ZNF248: variants seen among roughly 807,000 people sequenced by gnomAD.
ZNF248 encodes the protein zinc finger protein 248, also known as KRAB protein domain.
ZNF248 carries 20 observed loss-of-function variants against 44.3 expected under a neutral mutation model. The observed-to-expected ratio is 0.45, with a 90% CI of 0.32 to 0.66. The LOEUF (loss-of-function observed/expected upper bound fraction) is 0.66. ZNF248 is among the 30% of genes least tolerant of loss of function. The pLI, the probability that ZNF248 is intolerant of heterozygous loss-of-function variation, is 0.04. For missense variants in ZNF248, 654 were observed against 677.0 expected, an observed-to-expected ratio of 0.97 and a Z score of 0.38; for synonymous variants, 224 against 229.0, an observed-to-expected ratio of 0.98 and a Z score of 0.20.
At chr10:37,799,234 A>C (rs955571380) in intron 6 of ZNF248, among the ~76,000 whole-genome samples, 1 of 152,166 alleles carries the variant, frequency 6.6e-6, no homozygotes, top group South Asian at 2.1e-4. Flanking sequence ...ATATATAATA[A>C]AAAACCTAAA....
chr10:37,819,003 T>C, intron 6 of ZNF248: 1 of 914,252 alleles, frequency 1.1e-6, no homozygotes, highest in Non-Finnish European at 1.8e-6. Context: ...TTGCAATAAG[T>C]GCCAGCACCT....
At chr10:37,840,076 C>G (rs2058062834) in intron 3 of ZNF248, among the ~76,000 whole-genome samples, 1 of 152,018 alleles carries the variant, frequency 6.6e-6, no homozygotes, top group Non-Finnish European at 1.5e-5. Context: ...ATACAAATAA[C>G]CTATAGATCA....
At chr10:37,836,899 C>T (rs1367562718) in intron 5 of ZNF248, among the ~76,000 whole-genome samples, 2 of 151,836 alleles carry the variant, frequency 1.3e-5, no homozygotes, top group East Asian at 3.9e-4. Flanking sequence ...AGTGAGTGCT[C>T]ATCATATGTT....
chr10:37,798,083 T>C (rs1361072397), intron 6 of ZNF248, among the ~76,000 whole-genome samples: 5 of 152,078 alleles, frequency 3.3e-5, no homozygotes, highest in South Asian at 2.1e-4. Context: ...AAACTGATAA[T>C]AGATAAACTA....
At chr10:37,765,030 G>C in the ZNF248 span, among the ~76,000 whole-genome samples, 2 of 151,098 alleles carry the variant, frequency 1.3e-5, no homozygotes, top group Non-Finnish European at 2.9e-5. Context: ...ATGCAATCTT[G>C]GCTCACCGCA....
Position 37,830,010 on chromosome 10 carries a change from A to G in ZNF248, c.*1605T>C, listed in dbSNP as rs995161295. On this transcript the variant is annotated 3_prime_UTR_variant, in exon 6 of 6. Transcript: ENST00000395867. ...CAGTGTCTCTTAGAACTGCTGACCA[A>G]TGTGTTCCAAGGGGGCAAAAGAAAC... 18 of 985,310 alleles carry G rather than the reference A, an allele frequency of 1.8e-5. No individual in the cohort carries two copies. The Admixed American group carries it at 8.0e-4, about 44-fold the overall frequency. The allele number at this position is 985,310 out of a possible 1,614,324, so 61.0% of individuals were successfully genotyped here.
In ZNF248 at chr10:37,832,420, A is replaced by G; in HGVS notation, c.935T>C (p.Phe312Ser). ...TGTGTAAGCTCCCTGATGGATAATG[A>G]AAGCTGAATTGTCACAGAAGATTTC... Reference protein sequence around the residue: ...YGEIFCDNSAFIIHQGAYTRK... With the variant: ...YGEIFCDNSASIIHQGAYTRK... Residue 312 changes from phenylalanine to serine, a missense_variant, in exon 6 of 6, where the codon TTC becomes TCC. Physicochemically the swap from Phe to Ser is radical, Grantham distance 155. Coordinates refer to ENST00000395867, the MANE Select transcript of ZNF248 (RefSeq NM_021045.3). 6.2e-7 allele frequency: 1 copy of G among 1,614,030 alleles called. No homozygotes were observed. Among genetic ancestry groups the G allele is most frequent in the Non-Finnish European group, 8.5e-7 (1 of 1,179,948 alleles).
At chr10:37,766,518 C>T in the ZNF248 span, among the ~76,000 whole-genome samples, 1 of 152,202 alleles carries the variant, frequency 6.6e-6, no homozygotes, top group Non-Finnish European at 1.5e-5. Context: ...CAAACAGGGT[C>T]TGGAGTGGAC....
intron 5 of ZNF248, among the ~76,000 whole-genome samples, chr10:37,834,086 T>G (rs980174442): frequency 1.3e-5 from 2 of 152,086 alleles, no homozygotes; most frequent in African/African-American, 4.8e-5. Context: ...CATTTTATCC[T>G]TATCTCTCCT....
chr10:37,773,241 T>C (rs1031195004), downstream of ZNF248, among the ~76,000 whole-genome samples: 12 of 152,108 alleles, frequency 7.9e-5, no homozygotes, highest in African/African-American at 2.9e-4. Flanking sequence ...CAAGACTCCG[T>C]CTAAAAAATA....
chr10:37,819,024 G>T, intron 6 of ZNF248: 1 of 841,068 alleles, frequency 1.2e-6, no homozygotes, highest in Non-Finnish European at 2.1e-6. Flanking sequence ...TGTGATGTCA[G>T]CTCCATGCCA....
intron 6 of ZNF248, among the ~76,000 whole-genome samples, chr10:37,777,182 AG>A (rs1232860592): frequency 3.3e-5 from 5 of 152,146 alleles, no homozygotes; most frequent in African/African-American, 4.8e-5. Context: ...ACAAACCTGC[AG>A]GGAAAAACAA....
chr10:37,790,730 A>G (rs1312620630), intron 6 of ZNF248, among the ~76,000 whole-genome samples: 1 of 149,642 alleles, frequency 6.7e-6, no homozygotes, highest in African/African-American at 2.4e-5. Context: ...ATAAATAAAT[A>G]AATAATTTTT....
At chr10:37,768,812 A>C in the ZNF248 span, among the ~76,000 whole-genome samples, 1 of 152,344 alleles carries the variant, frequency 6.6e-6, no homozygotes, top group East Asian at 1.9e-4. Context: ...AAAACCCTTC[A>C]AAAAACTAAT....
At chr10:37,828,278 T>C (rs2054709203), downstream of ZNF248, among the ~76,000 whole-genome samples, 1 of 148,336 alleles carries the variant, frequency 6.7e-6, no homozygotes, top group Admixed American at 6.8e-5. Context: ...GTGAGGTCTT[T>C]TCCTCTCCAT....
chr10:37,774,055 G>C (rs1003927897), downstream of ZNF248, among the ~76,000 whole-genome samples: 1 of 152,040 alleles, frequency 6.6e-6, no homozygotes, highest in African/African-American at 2.4e-5. Flanking sequence ...CTGGAGAACA[G>C]TGATTGACAC....
intron 6 of ZNF248, among the ~76,000 whole-genome samples, chr10:37,793,705 G>A (rs1268309634): frequency 6.6e-6 from 1 of 152,062 alleles, no homozygotes; most frequent in Non-Finnish European, 1.5e-5. Context: ...ATAGATCTCA[G>A]AGACCTTATA....
At chr10:37,777,404 G>C (rs1301177819) in intron 6 of ZNF248, among the ~76,000 whole-genome samples, 1 of 152,038 alleles carries the variant, frequency 6.6e-6, no homozygotes, top group African/African-American at 2.4e-5. Context: ...CTTCCTTTCT[G>C]ATTTCCTCCC....
At chr10:37,770,972 A>G in the ZNF248 span, among the ~76,000 whole-genome samples, 2 of 152,284 alleles carry the variant, frequency 1.3e-5, no homozygotes, top group East Asian at 1.9e-4. Context: ...GATATGAACA[A>G]ACACTTTTCA....
Sources: gnomAD v4.1 joint callset for allele counts (sites outside exome capture counted in the v4.1 genomes callset) on GRCh38, gnomAD v4.1.1 for gene constraint, MANE v1.5 for transcripts, NCBI Gene and HGNC (gene_info 2026-07-23, HGNC 2026-07-21) for gene names.